Variants in SLC28A3 observed in about 807,000 individuals in gnomAD.
SLC28A3 encodes solute carrier family 28 member 3, also known as concentrative Na(+)-nucleoside cotransporter 3.
SLC28A3 carries 68 observed loss-of-function variants against 84.2 expected under a neutral mutation model. The ratio of observed to expected loss-of-function variants is 0.81; its 90% CI spans 0.66 to 0.99. SLC28A3 has a LOEUF of 0.99. Ranked by LOEUF, SLC28A3 falls within the 50% of genes least tolerant of loss-of-function variation. The probability of loss-of-function intolerance (pLI) is 0.00; values close to 1 mark genes in which losing one functional copy is unlikely to be tolerated. For missense variants in SLC28A3, 712 were observed against 841.5 expected, an observed-to-expected ratio of 0.85 and a Z score of 1.90; for synonymous variants, 267 against 303.6, an observed-to-expected ratio of 0.88 and a Z score of 1.25.
chr9:84,317,546 G>A (rs1332359064), intron 1 of SLC28A3, among the ~76,000 whole-genome samples: 2 of 152,178 alleles, frequency 1.3e-5, no homozygotes, highest in African/African-American at 4.8e-5. Context: ...GCACTGTGCT[G>A]TAATCACACA....
chr9:84,356,497 C>T, the SLC28A3 span, among the ~76,000 whole-genome samples: 5 of 152,126 alleles, frequency 3.3e-5, no homozygotes, highest in Non-Finnish European at 7.4e-5. Flanking sequence ...TGATGGTTCC[C>T]ATTCTCAGTA....
chr9:84,279,723 G>A (rs1466059960), intron 16 of SLC28A3, among the ~76,000 whole-genome samples: 1 of 152,232 alleles, frequency 6.6e-6, no homozygotes, highest in Non-Finnish European at 1.5e-5. Context: ...CCAGTGTGCT[G>A]GGATTACAGG....
chr9:84,305,115 C>G (rs776198786), intron 4 of SLC28A3, 139 bp downstream of exon 4: 8 of 724,684 alleles, frequency 1.1e-5, no homozygotes, highest in Non-Finnish European at 1.8e-5. Flanking sequence ...ATTTACTTCT[C>G]TACCACCCCC....
intron 1 of SLC28A3, among the ~76,000 whole-genome samples, chr9:84,335,484 G>T (rs1480226590): frequency 6.6e-6 from 1 of 152,176 alleles, no homozygotes; most frequent in East Asian, 1.9e-4. Flanking sequence ...GGAGTTTGAG[G>T]CTGCAATAAG....
At chr9:84,293,572 T>A (rs956878297) in intron 9 of SLC28A3, among the ~76,000 whole-genome samples, 5 of 152,210 alleles carry the variant, frequency 3.3e-5, no homozygotes, top group African/African-American at 1.2e-4. Flanking sequence ...TCGTGTGTGG[T>A]GCATCCAAAT....
chr9:84,358,493 T>C, the SLC28A3 span, among the ~76,000 whole-genome samples: 1 of 152,128 alleles, frequency 6.6e-6, no homozygotes, highest in Non-Finnish European at 1.5e-5. Context: ...AATCTTCAGG[T>C]TGGCCACTCT....
chr9:84,328,935 C>A (rs958882541), intron 1 of SLC28A3, among the ~76,000 whole-genome samples: 51 of 151,920 alleles, frequency 3.4e-4, no homozygotes, highest in Non-Finnish European at 7.1e-4. Context: ...CTCCAACAAA[C>A]AAACAAACCA....
At chr9:84,310,653 C>A in intron 2 of SLC28A3, 1 of 951,644 alleles carries the variant, frequency 1.1e-6, no homozygotes, top group Non-Finnish European at 1.3e-6. Flanking sequence ...CTCAAAAATC[C>A]TATAATTCCA....
chr9:84,310,985 G>A (rs1307697410), intron 2 of SLC28A3, among the ~76,000 whole-genome samples: 1 of 152,078 alleles, frequency 6.6e-6, no homozygotes, highest in Non-Finnish European at 1.5e-5. Context: ...CTTTTCTCAT[G>A]TTTTAAAAAC....
At chr9:84,314,382 T>C (rs1021569240) in intron 1 of SLC28A3, among the ~76,000 whole-genome samples, 7 of 152,174 alleles carry the variant, frequency 4.6e-5, no homozygotes, top group Non-Finnish European at 7.3e-5. Context: ...TCCCATCTCA[T>C]TTCAACTTGC....
At chr9:84,288,009 C>T (rs1396040812) in intron 12 of SLC28A3, 39 bp downstream of exon 12, 1 of 1,612,484 alleles carries the variant, frequency 6.2e-7, no homozygotes, top group East Asian at 2.2e-5. Flanking sequence ...CCCGCCCCGG[C>T]TTGGGTAGTC....
chr9:84,350,181 C>T, the SLC28A3 span, among the ~76,000 whole-genome samples: 1 of 152,242 alleles, frequency 6.6e-6, no homozygotes, highest in Admixed American at 6.5e-5. Context: ...TGGCTCATGC[C>T]TGTAATCCCA....
intron 1 of SLC28A3, among the ~76,000 whole-genome samples, chr9:84,335,562 G>A (rs779681147): frequency 1.8e-4 from 28 of 151,962 alleles, no homozygotes; most frequent in Non-Finnish European, 3.7e-4. Flanking sequence ...TAAAACAACA[G>A]CAATAAATAA....
At chr9:84,324,459 C>T (rs573227931) in intron 1 of SLC28A3, among the ~76,000 whole-genome samples, 3 of 152,170 alleles carry the variant, frequency 2.0e-5, no homozygotes, top group South Asian at 2.1e-4. Context: ...GCCTGGGTAA[C>T]GTGGTGAGAC....
In SLC28A3 at chr9:84,305,314, C is replaced by G. The variant is rs753005525; in HGVS notation, c.274G>C (p.Gly92Arg). Residue 92 changes from glycine (G) to arginine (R), a missense_variant, in exon 4 of 18, where the codon GGT (glycine) becomes CGT (arginine). By Grantham distance (125) the Gly-to-Arg change is moderately radical. Transcript: ENST00000376238. ...GTTGTTTTGTGTTTCCTACAGAAAC[C>G]ACATACTGTGTCATACCTCCTTTCC... ...CLERRYDTVC[G>R]FCRKHKTTLR... is the part of the protein sequence containing the mutation. 21 of 1,613,040 alleles carry G rather than the reference C, an allele frequency of 1.3e-5. No homozygotes were observed. The African/African-American group carries it at 2.7e-4, about 21-fold the overall frequency.
At chr9:84,305,070 A>C (rs1023377258) in intron 4 of SLC28A3, among the ~76,000 whole-genome samples, 184 bp downstream of exon 4, 5 of 152,060 alleles carry the variant, frequency 3.3e-5, no homozygotes, top group African/African-American at 1.2e-4. Flanking sequence ...GTAGGGAAAC[A>C]ATTTGCATAG....
chr9:84,360,344 TAGAG>T, the SLC28A3 span, among the ~76,000 whole-genome samples: 2 of 151,976 alleles, frequency 1.3e-5, no homozygotes, highest in East Asian at 1.9e-4. Context: ...CAGGGACAGA[TAGAG>T]AGACAGAGCC....
chr9:84,312,576 T>A lies in SLC28A3; in HGVS notation c.156+783A>T, dbSNP rs538948614. ...TTTTTTTTTTGAGAATCTCGCTCTG[T>A]CGCCCAGGCTGGAGTACAGTGGTGC... is the stretch of plus-strand genomic sequence containing the variant. On this transcript the variant is annotated intron_variant, in intron 2 of 17. Coordinates refer to ENST00000376238, the MANE Select transcript of SLC28A3 (RefSeq NM_001199633.2). Among the ~76,000 whole-genome samples the A allele has an allele frequency of 1.1e-4, 16 of 149,656 alleles. No homozygotes were observed. In the South Asian group the frequency reaches 3.4e-3, roughly 32 times the overall value.
the SLC28A3 span, among the ~76,000 whole-genome samples, chr9:84,353,629 G>A: frequency 1.3e-5 from 2 of 152,178 alleles, no homozygotes; most frequent in African/African-American, 4.8e-5. Flanking sequence ...AGAATCACTT[G>A]AACTCGAGAG....
Sources: gnomAD v4.1 joint callset for allele counts (sites outside exome capture counted in the v4.1 genomes callset) on GRCh38, gnomAD v4.1.1 for gene constraint, MANE v1.5 for transcripts, NCBI Gene and HGNC (gene_info 2026-07-23, HGNC 2026-07-21) for gene names.